The following GRIN2B variants were observed in gnomAD, a reference collection of about 807,000 sequenced individuals.
GRIN2B encodes glutamate receptor ionotropic, NMDA 2B.
Under a neutral mutation model 114.5 loss-of-function variants are expected in GRIN2B, and 5 were observed. The ratio of observed to expected loss-of-function variants is 0.04; its 90% CI spans 0.02 to 0.09. The LOEUF (loss-of-function observed/expected upper bound fraction) is 0.09. Ranked by LOEUF, GRIN2B falls within the 10% of genes least tolerant of loss-of-function variation. The probability of loss-of-function intolerance (pLI) is 1.00; values close to 1 mark genes in which losing one functional copy is unlikely to be tolerated. For synonymous variants in GRIN2B, 787 were observed against 745.1 expected (o/e 1.06, Z -0.92); for missense variants, 1,108 against 1,943.5 (o/e 0.57, Z 8.08).
chr12:13,660,319 C>T (rs1299320496), intron 5 of GRIN2B, among the ~76,000 whole-genome samples: 1 of 152,122 alleles, frequency 6.6e-6, no homozygotes, highest in Non-Finnish European at 1.5e-5. Flanking sequence ...TGCATCATAC[C>T]TGTGTGATTT....
intron 2 of GRIN2B, among the ~76,000 whole-genome samples, chr12:13,875,893 C>G (rs1449014619): frequency 6.6e-6 from 1 of 152,152 alleles, no homozygotes; most frequent in Non-Finnish European, 1.5e-5. Context: ...TGCTAGGAGA[C>G]AGGATCCAAC....
intron 3 of GRIN2B, among the ~76,000 whole-genome samples, chr12:13,861,725 C>T (rs779368249): frequency 3.3e-5 from 5 of 152,174 alleles, no homozygotes; most frequent in African/African-American, 4.8e-5. Flanking sequence ...ACTTCAGAGC[C>T]TTCCCCCAGA....
intron 2 of GRIN2B, among the ~76,000 whole-genome samples, chr12:13,903,271 G>A (rs951153682): frequency 2.6e-5 from 4 of 151,020 alleles, no homozygotes; most frequent in Non-Finnish European, 5.9e-5. Context: ...CCTTCCTTTC[G>A]TACTCTTTTA....
intron 2 of GRIN2B, among the ~76,000 whole-genome samples, chr12:13,955,971 A>G (rs1241061664): frequency 6.6e-6 from 1 of 152,192 alleles, no homozygotes; most frequent in East Asian, 1.9e-4. Flanking sequence ...TTGCGAATAC[A>G]GAGTGATACG....
chr12:13,915,264 T>C (rs994184118), intron 2 of GRIN2B, among the ~76,000 whole-genome samples: 6 of 152,182 alleles, frequency 3.9e-5, no homozygotes, highest in African/African-American at 1.4e-4. Context: ...GCAAACAACA[T>C]AGTTCCTGGC....
intron 2 of GRIN2B, among the ~76,000 whole-genome samples, chr12:13,913,950 T>C (rs1170840140): frequency 6.6e-6 from 1 of 152,214 alleles, no homozygotes; most frequent in Non-Finnish European, 1.5e-5. Context: ...CTTAGTGCAG[T>C]GTCTGGCACG....
At chr12:13,781,540 T>A (rs928202877) in intron 3 of GRIN2B, among the ~76,000 whole-genome samples, 1 of 152,152 alleles carries the variant, frequency 6.6e-6, no homozygotes, top group African/African-American at 2.4e-5. Flanking sequence ...GCATGAAATA[T>A]CTAAAAAATC....
At chr12:13,964,280 C>T (rs1273117625) in intron 2 of GRIN2B, among the ~76,000 whole-genome samples, 2 of 152,174 alleles carry the variant, frequency 1.3e-5, no homozygotes, top group African/African-American at 4.8e-5. Context: ...TTAAAGACAC[C>T]ATCAATTCTG....
Position 13,546,159 on chromosome 12 carries a change from T to C in GRIN2B, c.*16624A>G, listed in dbSNP as rs1235782536. The C allele has an allele frequency of 2.0e-5, 3 of 152,180 alleles. No homozygotes were observed. Among genetic ancestry groups the C allele is most frequent in the Non-Finnish European group, 4.4e-5 (3 of 68,028 alleles). 9.4% of individuals were successfully genotyped at this position (152,180 alleles called of 1,614,324 possible). ...TTCAGCTAACTCCATTCCCCTGATA[T>C]ATTCAGTTCTCAGTGCCCCTTGGCT... On this transcript the variant is annotated 3_prime_UTR_variant, in exon 14 of 14. Coordinates refer to ENST00000609686, the MANE Select transcript of GRIN2B (RefSeq NM_000834.5).
chr12:13,877,426 G>A (rs1460530372), intron 2 of GRIN2B, among the ~76,000 whole-genome samples: 4 of 152,158 alleles, frequency 2.6e-5, no homozygotes, highest in Non-Finnish European at 1.5e-5. Context: ...TACATAGTTA[G>A]CCACACAACT....
chr12:13,642,569 CACTT>C (rs1469562082), intron 5 of GRIN2B, among the ~76,000 whole-genome samples: 2 of 152,162 alleles, frequency 1.3e-5, no homozygotes, highest in Non-Finnish European at 2.9e-5. Context: ...ATTCCCATGA[CACTT>C]ACATATAAGA....
At chr12:13,924,099 C>T (rs986863622) in intron 2 of GRIN2B, among the ~76,000 whole-genome samples, 105 of 152,240 alleles carry the variant, frequency 6.9e-4, no homozygotes, top group African/African-American at 2.4e-3. Context: ...ATAACCTGTG[C>T]CTCTGGGGGG....
chr12:13,897,137 C>T (rs552657181), intron 2 of GRIN2B, among the ~76,000 whole-genome samples: 1 of 152,184 alleles, frequency 6.6e-6, no homozygotes, highest in Non-Finnish European at 1.5e-5. Flanking sequence ...CGCAACGCAT[C>T]GATAAATGGA....
chr12:13,618,381 CTTAT>C (rs1206213161), intron 5 of GRIN2B, among the ~76,000 whole-genome samples: 1 of 152,128 alleles, frequency 6.6e-6, no homozygotes, highest in Admixed American at 6.6e-5. Flanking sequence ...CCCTAAAGTA[CTTAT>C]TTATTTATTT....
chr12:13,730,641 G>C (rs1186774545), intron 4 of GRIN2B, among the ~76,000 whole-genome samples: 1 of 152,104 alleles, frequency 6.6e-6, no homozygotes, highest in Non-Finnish European at 1.5e-5. Context: ...TGAGTGTTAA[G>C]TTTCTTCCCC....
chr12:13,873,170 G>A (rs1188462685), intron 2 of GRIN2B, among the ~76,000 whole-genome samples: 1 of 152,130 alleles, frequency 6.6e-6, no homozygotes, highest in Non-Finnish European at 1.5e-5. Flanking sequence ...TAAGTTCCAA[G>A]TCAATTAAAG....
In GRIN2B at chr12:13,564,864, G is replaced by C. The variant is rs191277205; in HGVS notation, c.2599-225C>G. ...GAGGTCAGTGACCTGGCCATCAGAGGGGGGGGCATGGCCCCACCCAGTAAC... is the reference window on the plus strand; with the variant it reads ...GAGGTCAGTGACCTGGCCATCAGAGCGGGGGGCATGGCCCCACCCAGTAAC... On this transcript the variant is annotated intron_variant, in intron 13 of 13. Coordinates refer to ENST00000609686, the MANE Select transcript of GRIN2B (RefSeq NM_000834.5). This position sits in a 1 kb window ranked among gnomAD's most constrained non-coding sequence, Gnocchi z 4.8. 1.5e-4 allele frequency among the ~76,000 whole-genome samples: 23 copies of C among 152,284 alleles called. No individual in the cohort carries two copies. In the East Asian group the frequency reaches 2.9e-3, roughly 19 times the overall value.
At chr12:13,779,009 C>T (rs377464349) in intron 3 of GRIN2B, among the ~76,000 whole-genome samples, 4 of 152,128 alleles carry the variant, frequency 2.6e-5, no homozygotes, top group Admixed American at 6.5e-5. Context: ...TTCCTTAACG[C>T]GACCCAACCC....
intron 3 of GRIN2B, among the ~76,000 whole-genome samples, chr12:13,826,537 C>G (rs540883448): frequency 5.9e-5 from 9 of 152,122 alleles, no homozygotes; most frequent in African/African-American, 2.2e-4. Context: ...GTAAATTTCA[C>G]CCCTCCCCTC....
Sources: gnomAD v4.1 joint callset for allele counts (sites outside exome capture counted in the v4.1 genomes callset) on GRCh38, gnomAD v4.1.1 for gene constraint, Gnocchi (gnomAD v3.1) non-coding constraint, MANE v1.5 for transcripts, NCBI Gene and HGNC (gene_info 2026-07-23, HGNC 2026-07-21) for gene names.